BACH1: variants seen among roughly 807,000 people sequenced by gnomAD.
The protein encoded by BACH1 is transcription regulator protein BACH1.
A neutral mutation model predicts 52.9 loss-of-function variants in BACH1; 35 were observed. That is an observed-to-expected ratio of 0.66 (90% CI 0.51 to 0.88). BACH1 has a LOEUF of 0.88. Ranked by LOEUF, BACH1 falls within the 40% of genes least tolerant of loss-of-function variation. The pLI is 0.00. For synonymous variants in BACH1, 321 were observed against 319.6 expected (o/e 1.00, Z -0.05); for missense variants, 808 against 872.6 (o/e 0.93, Z 0.93).
rs372233141 is a variant in BACH1 at position 29,321,450 on chromosome 21, G to C, written c.170G>C (p.Ser57Thr). 2 of 1,614,082 alleles carry C rather than the reference G, an allele frequency of 1.2e-6. No homozygotes were observed. The highest frequency in any genetic ancestry group is 1.7e-6 in the Non-Finnish European group (2 of 1,180,044). The part of the protein sequence containing the change: ...AHRSVLAACS[S>T]YFHSRIVGQA... ...CGGTCCGTGCTGGCGGCATGCAGCA[G>C]TTACTTCCACTCAAGAATCGTAGGC... Residue 57 changes from serine to threonine, a missense_variant, in exon 2 of 5, where the codon AGT becomes ACT. Transcript: ENST00000286800.
intron 1 of BACH1, among the ~76,000 whole-genome samples, chr21:29,305,701 T>G (rs1370043893): frequency 1.3e-5 from 2 of 152,204 alleles, no homozygotes. Flanking sequence ...AGGCACTGTG[T>G]TCTCTTTTCT....
intron 1 of BACH1, among the ~76,000 whole-genome samples, chr21:29,313,479 A>T (rs2088751471): frequency 6.6e-6 from 1 of 152,238 alleles, no homozygotes; most frequent in African/African-American, 2.4e-5. Context: ...ATATATGTCC[A>T]TGCAAATGTT....
At chr21:29,308,237 T>G (rs1022299371) in intron 1 of BACH1, among the ~76,000 whole-genome samples, 2 of 152,220 alleles carry the variant, frequency 1.3e-5, no homozygotes, top group African/African-American at 4.8e-5. Flanking sequence ...TTAGAAATGA[T>G]TATTTTGACT....
At chr21:29,305,399 G>T (rs1417569386) in intron 1 of BACH1, 1 of 152,032 alleles carries the variant, frequency 6.6e-6, no homozygotes, top group Non-Finnish European at 1.5e-5. Flanking sequence ...CAAACTATAG[G>T]TATTTTTTTT....
Position 29,345,728 on chromosome 21 carries a change from T to A in BACH1, c.*2895T>A, listed in dbSNP as rs1452421929. On this transcript the variant is annotated 3_prime_UTR_variant, in exon 5 of 5. Coordinates refer to ENST00000286800, the MANE Select transcript of BACH1 (RefSeq NM_001186.4). ...TCACATTAACAACTTGGGAAAAAAA[T>A]GGCAATGTTACGGTGAATTCTCAGG... is the stretch of plus-strand genomic sequence containing the variant. The A allele has an allele frequency of 1.3e-5, 2 of 152,570 alleles. No individual in the cohort carries two copies. The highest frequency in any genetic ancestry group is 2.9e-5 in the Non-Finnish European group (2 of 67,996). The allele number at this position is 152,570 out of a possible 1,614,324, so 9.5% of individuals were successfully genotyped here. A position where few individuals can be genotyped will look rare whatever the true frequency, so the allele number is the denominator to read the frequency against.
intron 1 of BACH1, chr21:29,300,952 T>A (rs1464198394): frequency 6.6e-6 from 1 of 152,236 alleles, no homozygotes. Context: ...CACCACTGCC[T>A]TTACACCTGG....
intron 2 of BACH1, among the ~76,000 whole-genome samples, chr21:29,355,535 C>T (rs1277721999): frequency 6.6e-6 from 1 of 152,172 alleles, no homozygotes; most frequent in Non-Finnish European, 1.5e-5. Flanking sequence ...CTACTTCCTG[C>T]TGGATAGAGG....
intron 2 of BACH1, among the ~76,000 whole-genome samples, chr21:29,358,770 A>AAAAGAAAGAAAGAAAGAAAGAAAGAAAG (rs373884402): frequency 1.8e-4 from 20 of 108,974 alleles, no homozygotes; most frequent in Middle Eastern, 4.7e-3. Flanking sequence ...AAAAGAAAAG[A>AAAAGAAAGAAAGAAAGAAAGAAAGAAAG]AAAGAAAGAA....
At chr21:29,355,381 T>C (rs1324857099) in intron 2 of BACH1, among the ~76,000 whole-genome samples, 1 of 152,212 alleles carries the variant, frequency 6.6e-6, no homozygotes, top group Non-Finnish European at 1.5e-5. Flanking sequence ...GAGTGCTGAT[T>C]GGTGTGTTTA....
At chr21:29,335,328 C>T (rs2089032103) in intron 4 of BACH1, among the ~76,000 whole-genome samples, 2 of 152,114 alleles carry the variant, frequency 1.3e-5, no homozygotes, top group Non-Finnish European at 2.9e-5. Flanking sequence ...TTTGTACTGC[C>T]CAGCACGTGT....
intron 1 of BACH1, among the ~76,000 whole-genome samples, chr21:29,305,879 C>A (rs1368400022): frequency 6.6e-6 from 1 of 152,144 alleles, no homozygotes; most frequent in Non-Finnish European, 1.5e-5. Context: ...CTTTTATAAG[C>A]CAGGAACTTT....
rs73342486 is a variant in BACH1, at chr21:29,345,924, T to G, written c.*3091T>G. Reference sequence around the variant, plus strand: ...TAAAAGAAGCAGAAAAACATTGATTTTTTTATATCTTTCATAATATAATTT... The same window carrying G: ...TAAAAGAAGCAGAAAAACATTGATTGTTTTATATCTTTCATAATATAATTT... On this transcript the variant is annotated 3_prime_UTR_variant, in exon 5 of 5. Transcript: ENST00000286800. The G allele has an allele frequency of 3.7e-3, 568 of 152,760 alleles. 2 individuals are homozygous for G. Among genetic ancestry groups the G allele is most frequent in the African/African-American group, 0.013 (535 of 41,582 alleles). The allele number at this position is 152,760 out of a possible 1,614,324, so 9.5% of individuals were successfully genotyped here.
chr21:29,298,959 T>G lies in BACH1; in HGVS notation c.-61+6T>G, dbSNP rs1422813680. The G allele has an allele frequency of 1.3e-5, 2 of 151,520 alleles. No individual in the cohort carries two copies. The highest frequency in any genetic ancestry group is 2.9e-5 in the Non-Finnish European group (2 of 67,910). 9.4% of individuals were successfully genotyped at this position (151,520 alleles called of 1,614,324 possible). A position where few individuals can be genotyped will look rare whatever the true frequency, so the allele number is the denominator to read the frequency against. Reference sequence around the variant, plus strand: ...CGCGCCGCGCCTCAGCTCTGGTGAGTGGCTCGGCCGTCCCGCCGGCCCTTC... The same window carrying G: ...CGCGCCGCGCCTCAGCTCTGGTGAGGGGCTCGGCCGTCCCGCCGGCCCTTC... On this transcript the variant is annotated splice_donor_region_variant and intron_variant, in intron 1 of 4. Coordinates refer to ENST00000286800, the MANE Select transcript of BACH1 (RefSeq NM_001186.4).
rs61735775 is a variant in BACH1 at position 29,342,674 on chromosome 21, C to G, written c.2052C>G (p.Ala684=). 1 of 1,614,228 alleles carries G rather than the reference C, an allele frequency of 6.2e-7. No individual in the cohort carries two copies. The highest frequency in any genetic ancestry group is 1.1e-5 in the South Asian group (1 of 91,092). The part of the protein sequence containing the change: ...DRPPAVLPPC[A]RGNSEPGYAR... ...CTCCAGCAGTGCTGCCTCCCTGTGC[C>G]AGAGGAAACAGTGAGCCTGGCTACG... Residue 684 remains alanine, a synonymous_variant, in exon 5 of 5, where the codon GCC becomes GCG. Coordinates refer to ENST00000286800, the MANE Select transcript of BACH1 (RefSeq NM_001186.4).
rs1341607044 is a variant in BACH1, at chr21:29,323,050, A to G, written c.234+1536A>G. 2.6e-5 allele frequency among the ~76,000 whole-genome samples: 4 copies of G among 152,216 alleles called. No homozygotes were observed. The East Asian group carries it at 7.7e-4, about 29-fold the overall frequency. On this transcript the variant is annotated intron_variant, in intron 2 of 4. Coordinates refer to ENST00000286800, the MANE Select transcript of BACH1 (RefSeq NM_001186.4). Reference sequence around the variant, plus strand: ...TCTAATGTGTAAATCATAAGTTTTCAAATATTTGAAGTGTTTCATTATAGT... The same window carrying G: ...TCTAATGTGTAAATCATAAGTTTTCGAATATTTGAAGTGTTTCATTATAGT...
At chr21:29,360,208 A>G (rs570635172) in intron 2 of BACH1, among the ~76,000 whole-genome samples, 104 of 152,214 alleles carry the variant, frequency 6.8e-4, no homozygotes, top group Middle Eastern at 3.4e-3. Flanking sequence ...TGCCCTGACC[A>G]CTTGGGTACA....
chr21:29,319,863 T>TA (rs1235464006), intron 1 of BACH1, among the ~76,000 whole-genome samples: 1 of 151,810 alleles, frequency 6.6e-6, no homozygotes. Context: ...CCACAAAAGA[T>TA]ATATAACTTC....
Position 29,326,315 on chromosome 21 carries a change from A to T in BACH1, c.491A>T (p.Asp164Val). 1 of 1,614,232 alleles carries T rather than the reference A, an allele frequency of 6.2e-7. No individual in the cohort carries two copies. The highest frequency in any genetic ancestry group is 8.5e-7 in the Non-Finnish European group (1 of 1,180,034). ...AAACTTTCACTTTTGGACCAGAGGG[A>T]TCTAGAAACTGATGAAGTGGAGGAA... ...DLKLSLLDQR[D>V]LETDEVEEFL... Residue 164 changes from aspartate to valine, a missense_variant, in exon 3 of 5, where the codon GAT becomes GTT. Asp to Val is a radical substitution (Grantham distance 152). Transcript: ENST00000286800.
At chr21:29,328,072 A>C (rs946638198) in intron 3 of BACH1, among the ~76,000 whole-genome samples, 1 of 152,230 alleles carries the variant, frequency 6.6e-6, no homozygotes, top group Non-Finnish European at 1.5e-5. Flanking sequence ...CTCATTGCCA[A>C]CAAGAACCTC....
Sources: gnomAD v4.1 joint callset for allele counts (sites outside exome capture counted in the v4.1 genomes callset) on GRCh38, gnomAD v4.1.1 for gene constraint, MANE v1.5 for transcripts, NCBI Gene and HGNC (gene_info 2026-07-23, HGNC 2026-07-21) for gene names.